Variants in NXPE4 observed in about 807,000 individuals in gnomAD.
The protein encoded by NXPE4 is NXPE family member 4.
A neutral mutation model predicts 33.3 loss-of-function variants in NXPE4; 42 were observed. The observed-to-expected ratio is 1.26, with a 90% CI of 0.98 to 1.63. The LOEUF is 1.63. NXPE4 is among the 40% of genes most tolerant of loss of function. The pLI is 0.00. For synonymous variants in NXPE4, 253 were observed against 234.9 expected (o/e 1.08, Z -0.71); for missense variants, 709 against 647.6 (o/e 1.09, Z -1.03).
chr11:114,632,389 A>G, the NXPE4 span, among the ~76,000 whole-genome samples: 1 of 133,726 alleles, frequency 7.5e-6, no homozygotes, highest in Admixed American at 8.8e-5. Context: ...TATATGATAT[A>G]AATATAAATA....
At chr11:114,665,231 CT>C in the NXPE4 span, among the ~76,000 whole-genome samples, 3 of 152,060 alleles carry the variant, frequency 2.0e-5, no homozygotes, top group Admixed American at 6.6e-5. Flanking sequence ...TCAAAAAATG[CT>C]TTCTAGTCTC....
chr11:114,662,895 A>C, the NXPE4 span, among the ~76,000 whole-genome samples: 10 of 152,178 alleles, frequency 6.6e-5, no homozygotes, highest in Non-Finnish European at 1.2e-4. Flanking sequence ...AACCGGCAGC[A>C]ATACCCAGGT....
chr11:114,606,332 AG>A, the NXPE4 span, among the ~76,000 whole-genome samples: 1 of 151,690 alleles, frequency 6.6e-6, no homozygotes, highest in African/African-American at 2.4e-5. Context: ...GTGGATAATA[AG>A]TGTTACCTTG....
the NXPE4 span, among the ~76,000 whole-genome samples, chr11:114,666,556 G>A: frequency 2.0e-5 from 3 of 152,062 alleles, no homozygotes; most frequent in Non-Finnish European, 2.9e-5. Flanking sequence ...AATGGCATAA[G>A]AAATTAACTG....
At chr11:114,580,453 TG>T (rs5794921) in intron 4 of NXPE4, 115 bp from the exon 5 acceptor site, 24,022 of 793,250 alleles carry the variant, frequency 0.03, 489 homozygotes, top group Middle Eastern at 0.065. Context: ...GTGGTAATGG[TG>T]GAAAAAGTAT....
chr11:114,580,393 A>C (rs1361214551), intron 4 of NXPE4, 55 bp from the exon 5 acceptor site: 8 of 1,489,368 alleles, frequency 5.4e-6, no homozygotes, highest in Non-Finnish European at 7.5e-6. Flanking sequence ...ACCCGTCAGT[A>C]TGTATTAAGA....
At chr11:114,671,343 G>GGA in the NXPE4 span, among the ~76,000 whole-genome samples, 1 of 151,766 alleles carries the variant, frequency 6.6e-6, no homozygotes, top group African/African-American at 2.4e-5. Flanking sequence ...GGAATTAGGA[G>GGA]AGGATAGGGA....
Position 114,594,668 on chromosome 11 carries a change from G to T in NXPE4, c.92C>A (p.Thr31Lys), listed in dbSNP as rs1332701928. Residue 31 changes from threonine (T) to lysine (K), a missense_variant, in exon 2 of 6, where the codon ACA becomes AAA. By Grantham distance (78) the Thr-to-Lys change is moderately conservative. Coordinates refer to ENST00000375478, the MANE Select transcript of NXPE4 (RefSeq NM_001077639.2). Reference sequence around the variant, plus strand: ...CATAAATAAAGCATTTCCTACCTTTGTGGAGTTCTGGAAAACTGTAAAAAT... The same window carrying T: ...CATAAATAAAGCATTTCCTACCTTTTTGGAGTTCTGGAAAACTGTAAAAAT... ...WIIFTVFQNS[T>K]KVWSALNLSI... is the part of the protein sequence containing the mutation. 2 of 1,587,964 alleles carry T rather than the reference G, an allele frequency of 1.3e-6. No homozygotes were observed. The highest frequency in any genetic ancestry group is 2.7e-5 in the African/African-American group (2 of 74,068).
the NXPE4 span, among the ~76,000 whole-genome samples, chr11:114,642,192 A>G: frequency 2.8e-4 from 42 of 152,066 alleles, no homozygotes; most frequent in Non-Finnish European, 5.1e-4. Context: ...TGAAAATGGC[A>G]TTTTACTTCT....
the NXPE4 span, among the ~76,000 whole-genome samples, chr11:114,614,310 C>T: frequency 3.3e-5 from 5 of 151,368 alleles, no homozygotes; most frequent in African/African-American, 1.2e-4. Flanking sequence ...TAAGTATTGC[C>T]TCGTAGGTAA....
chr11:114,649,422 G>C, the NXPE4 span, among the ~76,000 whole-genome samples: 1 of 152,162 alleles, frequency 6.6e-6, no homozygotes, highest in South Asian at 2.1e-4. Flanking sequence ...TGAACTACTA[G>C]TACATGTTAG....
chr11:114,601,763 G>A, the NXPE4 span, among the ~76,000 whole-genome samples: 65,294 of 66,706 alleles, frequency 0.98, 32,184 homozygotes, highest in Non-Finnish European at 1. Context: ...ATATATATGT[G>A]ATTATATATT....
the NXPE4 span, among the ~76,000 whole-genome samples, chr11:114,601,754 T>C: frequency 3.3e-3 from 239 of 72,898 alleles, 9 homozygotes; most frequent in African/African-American, 0.012. Flanking sequence ...TAATATATAA[T>C]ATATATGTGA....
chr11:114,650,923 G>A, the NXPE4 span, among the ~76,000 whole-genome samples: 1 of 152,052 alleles, frequency 6.6e-6, no homozygotes, highest in African/African-American at 2.4e-5. Context: ...TGGTAATACT[G>A]GCTAACAGAG....
At chr11:114,617,747 A>G in the NXPE4 span, among the ~76,000 whole-genome samples, 1 of 152,120 alleles carries the variant, frequency 6.6e-6, no homozygotes, top group Admixed American at 6.6e-5. Context: ...CTCCTTGGTA[A>G]CCACTGTTAC....
the NXPE4 span, among the ~76,000 whole-genome samples, chr11:114,636,751 G>A: frequency 1.3e-5 from 2 of 152,052 alleles, no homozygotes; most frequent in Admixed American, 6.5e-5. Context: ...AGGTTGTTCA[G>A]TTTCCATGTA....
chr11:114,577,242 A>G (rs1164185528), intron 5 of NXPE4, among the ~76,000 whole-genome samples: 1 of 151,018 alleles, frequency 6.6e-6, no homozygotes, highest in Non-Finnish European at 1.5e-5. Flanking sequence ...AAAGAATGGC[A>G]TGTGCAGCAA....
At chr11:114,640,293 T>C in the NXPE4 span, among the ~76,000 whole-genome samples, 1 of 145,486 alleles carries the variant, frequency 6.9e-6, no homozygotes, top group Non-Finnish European at 1.5e-5. Context: ...ATTTTGTTCA[T>C]TTTAAATTTT....
chr11:114,586,888 T>C (rs1053265257), intron 2 of NXPE4, among the ~76,000 whole-genome samples: 5 of 152,204 alleles, frequency 3.3e-5, no homozygotes, highest in African/African-American at 1.2e-4. Flanking sequence ...GGAAATGCCA[T>C]AATGCCTGGG....
Sources: gnomAD v4.1 joint callset for allele counts (sites outside exome capture counted in the v4.1 genomes callset) on GRCh38, gnomAD v4.1.1 for gene constraint, MANE v1.5 for transcripts, NCBI Gene and HGNC (gene_info 2026-07-23, HGNC 2026-07-21) for gene names.